Variants in SUPT3H observed in about 807,000 individuals in gnomAD.
SUPT3H encodes SPT3 homolog, SAGA and STAGA complex component, also known as transcription initiation protein SPT3 homolog.
Under a neutral mutation model 44.3 loss-of-function variants are expected in SUPT3H, and 44 were observed. The ratio of observed to expected loss-of-function variants is 0.99; its 90% CI spans 0.78 to 1.28. SUPT3H has a LOEUF of 1.28. SUPT3H is among the 50% of genes most tolerant of loss of function. The pLI, the probability that SUPT3H is intolerant of heterozygous loss-of-function variation, is 0.00. For synonymous variants in SUPT3H, 124 were observed against 125.6 expected, an observed-to-expected ratio of 0.99 and a Z score of 0.09; for missense variants, 380 against 387.1, an observed-to-expected ratio of 0.98 and a Z score of 0.15.
chr6:45,170,127 C>T (rs1271439035), intron 2 of SUPT3H, among the ~76,000 whole-genome samples: 3 of 152,230 alleles, frequency 2.0e-5, no homozygotes, highest in Non-Finnish European at 4.4e-5. Flanking sequence ...AAGAACTCTT[C>T]GTAGACTTCT....
rs57736879 is a variant in SUPT3H, at chr6:45,053,740, C to CAAA, written c.187-33111_187-33109dup. 1.5e-4 allele frequency among the ~76,000 whole-genome samples: 9 copies of CAAA among 59,440 alleles called. 1 individual carries two copies. The highest frequency in any genetic ancestry group is 2.2e-4 in the Admixed American group (1 of 4,554). 39.0% of individuals were successfully genotyped at this position (59,440 alleles called of 152,430 possible). ...GGTGAAACCCCATCTACTAAAAATA[C>CAAA]AAAAAAAAAAAAAAAAAAAAAAAAA... On this transcript the variant is annotated intron_variant, in intron 3 of 10. Coordinates refer to ENST00000371459, the MANE Select transcript of SUPT3H (RefSeq NM_003599.4).
intron 2 of SUPT3H, among the ~76,000 whole-genome samples, chr6:45,229,563 C>A (rs1767577195): frequency 1.3e-5 from 2 of 152,040 alleles, no homozygotes; most frequent in Admixed American, 1.3e-4. Context: ...CTTGCTGATA[C>A]AATTATCAGC....
chr6:45,241,149 A>G (rs1770237352), intron 2 of SUPT3H, among the ~76,000 whole-genome samples: 2 of 152,154 alleles, frequency 1.3e-5, no homozygotes, highest in South Asian at 2.1e-4. Context: ...ACCGTGACAA[A>G]GCTGCCTTTG....
intron 7 of SUPT3H, among the ~76,000 whole-genome samples, chr6:44,958,581 G>A (rs987293916): frequency 6.6e-6 from 1 of 152,084 alleles, no homozygotes; most frequent in African/African-American, 2.4e-5. Context: ...CCCCATATAA[G>A]GGGGGACCTG....
At chr6:45,229,726 T>C (rs975815421) in intron 2 of SUPT3H, among the ~76,000 whole-genome samples, 8 of 152,170 alleles carry the variant, frequency 5.3e-5, no homozygotes, top group African/African-American at 1.9e-4. Flanking sequence ...AATTTATATA[T>C]TTTGGGGATG....
intron 2 of SUPT3H, among the ~76,000 whole-genome samples, chr6:45,138,901 C>A (rs1804739809): frequency 6.6e-6 from 1 of 152,118 alleles, no homozygotes. Context: ...ATGATAATGA[C>A]AATAATGCAC....
intron 3 of SUPT3H, among the ~76,000 whole-genome samples, chr6:45,101,743 A>G (rs564166300): frequency 6.6e-6 from 1 of 152,318 alleles, no homozygotes; most frequent in East Asian, 1.9e-4. Flanking sequence ...GTGTCAAAAT[A>G]ACACACTGTG....
intron 2 of SUPT3H, among the ~76,000 whole-genome samples, chr6:45,179,702 T>C (rs1328936620): frequency 1.3e-5 from 2 of 152,092 alleles, no homozygotes; most frequent in East Asian, 3.9e-4. Context: ...AAACTCTCAA[T>C]AAATTAGGGA....
chr6:44,905,168 A>G (rs995208681), intron 10 of SUPT3H, among the ~76,000 whole-genome samples: 1 of 152,240 alleles, frequency 6.6e-6, no homozygotes, highest in Admixed American at 6.5e-5. Flanking sequence ...AAATTGACAA[A>G]TGGGATCTAA....
chr6:45,234,951 A>G (rs572422043), intron 2 of SUPT3H, among the ~76,000 whole-genome samples: 2 of 152,338 alleles, frequency 1.3e-5, no homozygotes, highest in East Asian at 3.9e-4. Flanking sequence ...AGCTGAATGA[A>G]CCAGTAGTTT....
chr6:45,032,317 A>AGTG (rs1314644545), intron 3 of SUPT3H, among the ~76,000 whole-genome samples: 1 of 152,166 alleles, frequency 6.6e-6, no homozygotes, highest in Non-Finnish European at 1.5e-5. Context: ...GGTTATTAAA[A>AGTG]AGGGCTCAGG....
chr6:45,234,266 G>A (rs1768643795), intron 2 of SUPT3H, among the ~76,000 whole-genome samples: 1 of 151,960 alleles, frequency 6.6e-6, no homozygotes, highest in Non-Finnish European at 1.5e-5. Flanking sequence ...TGATGTTGTT[G>A]AATAAAACCA....
chr6:44,983,091 T>C (rs6925017), intron 6 of SUPT3H, among the ~76,000 whole-genome samples: 91,394 of 152,060 alleles, frequency 0.6, 28,479 homozygotes, highest in African/African-American at 0.78. Context: ...TATTCAAATG[T>C]ATGTCAATGC....
chr6:45,350,599 T>C (rs1005328752), intron 2 of SUPT3H, among the ~76,000 whole-genome samples: 2 of 151,978 alleles, frequency 1.3e-5, no homozygotes, highest in African/African-American at 4.8e-5. Flanking sequence ...GAGGGAAAAA[T>C]AGGGGGATGA....
intron 6 of SUPT3H, among the ~76,000 whole-genome samples, chr6:44,999,242 T>A (rs371284334): frequency 6.6e-6 from 1 of 152,018 alleles, no homozygotes; most frequent in South Asian, 2.1e-4. Flanking sequence ...AGATTTTGTT[T>A]GATTCTTCAT....
chr6:45,371,467 G>C (rs1030999981), intron 1 of SUPT3H, among the ~76,000 whole-genome samples: 2 of 151,494 alleles, frequency 1.3e-5, no homozygotes, highest in African/African-American at 2.4e-5. Flanking sequence ...ACTAAGACTG[G>C]CTGAAGGTCA....
intron 2 of SUPT3H, among the ~76,000 whole-genome samples, chr6:45,232,982 T>C (rs1337930054): frequency 1.3e-5 from 2 of 152,230 alleles, no homozygotes; most frequent in Admixed American, 6.5e-5. Flanking sequence ...CTGAACACAG[T>C]GATAACTCTT....
At chr6:45,289,702 C>T (rs1253740539) in intron 2 of SUPT3H, among the ~76,000 whole-genome samples, 4 of 152,022 alleles carry the variant, frequency 2.6e-5, no homozygotes, top group African/African-American at 9.7e-5. Context: ...AATAAGTAAA[C>T]ACGAGAAAAC....
intron 2 of SUPT3H, among the ~76,000 whole-genome samples, chr6:45,208,779 T>G (rs974514452): frequency 2.0e-5 from 3 of 151,132 alleles, no homozygotes; most frequent in Admixed American, 2.0e-4. Flanking sequence ...AACCTTCTAC[T>G]GGAAGAAGAT....
Sources: allele counts gnomAD v4.1 joint callset (sites outside exome capture counted in the v4.1 genomes callset), GRCh38; gene constraint gnomAD v4.1.1; transcripts MANE v1.5; gene names NCBI Gene and HGNC (gene_info 2026-07-23, HGNC 2026-07-21).